Variants in SPATA6 observed in about 807,000 individuals in gnomAD.
SPATA6 encodes spermatogenesis associated 6.
Under a neutral mutation model 65.3 loss-of-function variants are expected in SPATA6, and 56 were observed. That is an observed-to-expected ratio of 0.86 (90% CI 0.69 to 1.07). The LOEUF is 1.07. Among genes scored for constraint, SPATA6 ranks in the 50% least tolerant of loss-of-function variants. The pLI is 0.00. For synonymous variants in SPATA6, 199 were observed against 213.2 expected, an observed-to-expected ratio of 0.93 and a Z score of 0.58; for missense variants, 590 against 594.8, an observed-to-expected ratio of 0.99 and a Z score of 0.08.
chr1:48,397,766 A>C (rs1417457418), intron 7 of SPATA6, among the ~76,000 whole-genome samples: 3 of 151,638 alleles, frequency 2.0e-5, no homozygotes, highest in Non-Finnish European at 4.4e-5. Flanking sequence ...AAGCAATCTA[A>C]GTATAGACTT....
At chr1:48,282,822 C>T in the SPATA6 span, among the ~76,000 whole-genome samples, 1 of 152,136 alleles carries the variant, frequency 6.6e-6, no homozygotes, top group Non-Finnish European at 1.5e-5. Context: ...ACCCAGCCAT[C>T]CCATTACTCG....
At chr1:48,454,520 T>G (rs1388311019) in intron 1 of SPATA6, among the ~76,000 whole-genome samples, 1 of 152,226 alleles carries the variant, frequency 6.6e-6, no homozygotes, top group African/African-American at 2.4e-5. Flanking sequence ...ATGAACTTAC[T>G]ATATGCAAGT....
intron 3 of SPATA6, among the ~76,000 whole-genome samples, chr1:48,441,121 C>T (rs111279997): frequency 0.015 from 2,243 of 152,332 alleles, 56 homozygotes; most frequent in African/African-American, 0.051. Context: ...GGAAGGCACA[C>T]TGCCCCAGAG....
intron 1 of SPATA6, among the ~76,000 whole-genome samples, chr1:48,462,885 G>A (rs945681036): frequency 1.3e-5 from 2 of 152,156 alleles, no homozygotes; most frequent in Non-Finnish European, 2.9e-5. Context: ...TGAATCAGCA[G>A]ATTGAGTAAC....
the SPATA6 span, among the ~76,000 whole-genome samples, chr1:48,285,866 C>T: frequency 1.3e-5 from 2 of 152,150 alleles, no homozygotes; most frequent in Non-Finnish European, 2.9e-5. Context: ...AGCTGCAGAC[C>T]AGAACTGTTC....
chr1:48,305,677 A>T, intron 12 of SPATA6, 110 bp downstream of exon 12: 3 of 772,388 alleles, frequency 3.9e-6, no homozygotes, highest in Non-Finnish European at 5.9e-6. Flanking sequence ...ACAGTTAGAA[A>T]TAAATACTAA....
the SPATA6 span, among the ~76,000 whole-genome samples, chr1:48,275,279 C>T: frequency 6.6e-6 from 1 of 152,196 alleles, no homozygotes; most frequent in African/African-American, 2.4e-5. Flanking sequence ...ATCATGTCAT[C>T]TGCAAAGAGA....
the SPATA6 span, among the ~76,000 whole-genome samples, chr1:48,261,955 G>A: frequency 1.3e-5 from 2 of 152,148 alleles, no homozygotes; most frequent in African/African-American, 4.8e-5. Context: ...ACTGTTTCCA[G>A]TGTGTTATTT....
the SPATA6 span, among the ~76,000 whole-genome samples, chr1:48,280,155 C>T: frequency 6.6e-6 from 1 of 152,096 alleles, no homozygotes; most frequent in African/African-American, 2.4e-5. Context: ...ACACAACATA[C>T]CAGAATCTCT....
chr1:48,280,648 C>T, the SPATA6 span, among the ~76,000 whole-genome samples: 1 of 152,278 alleles, frequency 6.6e-6, no homozygotes, highest in African/African-American at 2.4e-5. Flanking sequence ...AATTGACTCT[C>T]TGAATAGACC....
chr1:48,367,644 G>T (rs1348983843), intron 9 of SPATA6, among the ~76,000 whole-genome samples: 2 of 151,874 alleles, frequency 1.3e-5, no homozygotes, highest in African/African-American at 4.8e-5. Flanking sequence ...TTTTCCATTT[G>T]CTTGGTAGAT....
chr1:48,339,908 C>T (rs1298126923), intron 11 of SPATA6, among the ~76,000 whole-genome samples: 1 of 151,958 alleles, frequency 6.6e-6, no homozygotes, highest in Non-Finnish European at 1.5e-5. Flanking sequence ...ATTCAAGATG[C>T]TCTGAATTGC....
intron 3 of SPATA6, among the ~76,000 whole-genome samples, chr1:48,447,553 A>G (rs1656178100): frequency 6.6e-6 from 1 of 152,174 alleles, no homozygotes; most frequent in South Asian, 2.1e-4. Context: ...ATTTTCGATT[A>G]CATGGGGAGA....
intron 3 of SPATA6, among the ~76,000 whole-genome samples, chr1:48,438,150 T>C (rs547132484): frequency 2.6e-5 from 4 of 152,186 alleles, no homozygotes; most frequent in African/African-American, 7.2e-5. Context: ...TGCTCACTCT[T>C]TGGGTCCATG....
At position 48,298,732 on chromosome 1, in the gene SPATA6, T is replaced by A. The variant is rs776274309; in HGVS notation, c.1448A>T (p.His483Leu). Residue 483 changes from histidine to leucine, a missense_variant, in exon 13 of 13, where the codon CAT (histidine) becomes CTT (leucine). Transcript: ENST00000371847. ...LYKKACSSASHTQESF is the reference protein window; with the variant it reads ...LYKKACSSASLTQESF ...ATGGTCTCAGAAGCTTTCCTGTGTA[T>A]GTGAAGCAGAACTACAGGCCTTTTT... 1 of 1,613,152 alleles carries A rather than the reference T, an allele frequency of 6.2e-7. No homozygotes were observed. Among genetic ancestry groups the A allele is most frequent in the Admixed American group, 1.7e-5 (1 of 59,846 alleles).
chr1:48,446,699 G>A (rs562534565), intron 3 of SPATA6, among the ~76,000 whole-genome samples: 1 of 152,212 alleles, frequency 6.6e-6, no homozygotes, highest in Non-Finnish European at 1.5e-5. Context: ...ATTAATGAAA[G>A]AAGAAATAAT....
At chr1:48,299,332 G>A (rs1644875157) in intron 12 of SPATA6, among the ~76,000 whole-genome samples, 1 of 151,516 alleles carries the variant, frequency 6.6e-6, no homozygotes. Context: ...AGACCAACAT[G>A]GAGAAACCCC....
At chr1:48,263,133 C>T in the SPATA6 span, 11 of 151,964 alleles carry the variant, frequency 7.2e-5, no homozygotes, top group African/African-American at 2.7e-4. Flanking sequence ...AATGGATATA[C>T]TTTTCTATTT....
chr1:48,411,463 C>T lies in SPATA6; in HGVS notation c.405+1G>A. 1.2e-6 allele frequency: 2 copies of T among 1,605,796 alleles called. No homozygotes were observed. The highest frequency in any genetic ancestry group is 1.1e-5 in the South Asian group (1 of 89,104). On this transcript the variant is annotated splice_donor_variant, in intron 5 of 12. Transcript: ENST00000371847. LOFTEE classifies it high-confidence loss of function. ...TGATTCAGAAAATTGCAAGCACTTA[C>T]TCGAAGGCCAGAAATCCTCCTCATG...
Sources: gnomAD v4.1 joint callset for allele counts (sites outside exome capture counted in the v4.1 genomes callset) on GRCh38, gnomAD v4.1.1 for gene constraint, MANE v1.5 for transcripts, NCBI Gene and HGNC (gene_info 2026-07-23, HGNC 2026-07-21) for gene names.